The following TBCE variants were observed in gnomAD, a reference collection of about 807,000 sequenced individuals.
TBCE encodes tubulin folding cofactor E.
A neutral mutation model predicts 77.0 loss-of-function variants in TBCE; 53 were observed. The observed-to-expected ratio is 0.69, with a 90% CI of 0.55 to 0.87. The LOEUF (loss-of-function observed/expected upper bound fraction) is 0.87. Ranked by LOEUF, TBCE falls within the 40% of genes least tolerant of loss-of-function variation. The pLI, the probability that TBCE is intolerant of heterozygous loss-of-function variation, is 0.00. For synonymous variants in TBCE, 235 were observed against 241.3 expected, an observed-to-expected ratio of 0.97 and a Z score of 0.24; for missense variants, 624 against 622.4, an observed-to-expected ratio of 1.00 and a Z score of -0.03.
In TBCE at chr1:235,448,220, C is replaced by CA. The variant is rs59405398; in HGVS notation, c.1400-109dup. On this transcript the variant is annotated intron_variant, in intron 15 of 16. Coordinates refer to ENST00000642610, the MANE Select transcript of TBCE (RefSeq NM_003193.5). Reference sequence around the variant, plus strand: ...CTTAAGTAAGTAAGTAAGTCAGTCTCAAAAAAAAAAAAAAAAAAAAGACAG... The same window carrying CA: ...CTTAAGTAAGTAAGTAAGTCAGTCTCAAAAAAAAAAAAAAAAAAAAAGACAG... The CA allele has an allele frequency of 0.091, 47,054 of 515,056 alleles. 78 individuals are homozygous for CA. The highest frequency in any genetic ancestry group is 0.11 in the East Asian group (3,131 of 29,018). 31.9% of individuals were successfully genotyped at this position (515,056 alleles called of 1,614,324 possible).
At chr1:235,371,899 C>T (rs897959188) in intron 1 of TBCE, among the ~76,000 whole-genome samples, 2 of 152,146 alleles carry the variant, frequency 1.3e-5, no homozygotes, top group Non-Finnish European at 2.9e-5. Context: ...GTCTCGAACT[C>T]CTGACCTCAG....
Position 235,430,607 on chromosome 1 carries a change from A to C in TBCE, c.561-98A>C, listed in dbSNP as rs1345096280. On this transcript the variant is annotated intron_variant, in intron 6 of 16. Transcript: ENST00000642610. ...CCATTTTAAGATTGAAACAAATCAA[A>C]CCCCTTAGATTAAAACCCAGATTGT... 10 of 797,056 alleles carry C rather than the reference A, an allele frequency of 1.3e-5. 1 individual carries two copies. The highest frequency in any genetic ancestry group is 1.2e-4 in the African/African-American group (7 of 57,096). The allele number at this position is 797,056 out of a possible 1,614,324, so 49.4% of individuals were successfully genotyped here.
intron 8 of TBCE, among the ~76,000 whole-genome samples, chr1:235,435,256 A>G (rs1452208786): frequency 6.6e-6 from 1 of 151,772 alleles, no homozygotes; most frequent in African/African-American, 2.4e-5. Flanking sequence ...ACGTGCCACC[A>G]TGCCTGGCTA....
intron 13 of TBCE, among the ~76,000 whole-genome samples, chr1:235,439,487 C>G (rs1198047993): frequency 1.3e-5 from 2 of 151,734 alleles, no homozygotes; most frequent in Non-Finnish European, 2.9e-5. Context: ...CAGAACGAGA[C>G]TCCGTCTCAA....
At chr1:235,438,712 A>T in intron 12 of TBCE, 57 bp from the exon 13 acceptor site, 1 of 1,611,384 alleles carries the variant, frequency 6.2e-7, no homozygotes, top group Middle Eastern at 1.7e-4. Flanking sequence ...CAAAACGCAA[A>T]GGACATGTTA....
Position 235,449,084 on chromosome 1 carries a change from A to AGTTC in TBCE, c.*322_*323insGTTC. ...AGCCTAATAAAATCTGAACACAGTT[A>AGTTC]ATATCTGTCATAAGACTAGTTTTAA... is the stretch of plus-strand genomic sequence containing the variant. On this transcript the variant is annotated 3_prime_UTR_variant, in exon 17 of 17. Coordinates refer to ENST00000642610, the MANE Select transcript of TBCE (RefSeq NM_003193.5). 1 of 326,690 alleles carries AGTTC rather than the reference A, an allele frequency of 3.1e-6. No individual in the cohort carries two copies. The highest frequency in any genetic ancestry group is 5.9e-6 in the Non-Finnish European group (1 of 169,772). 20.2% of individuals were successfully genotyped at this position (326,690 alleles called of 1,614,324 possible). A position where few individuals can be genotyped will look rare whatever the true frequency, so the allele number is the denominator to read the frequency against.
At chr1:235,399,944 C>T (rs1416473) in intron 2 of TBCE, among the ~76,000 whole-genome samples, 111,510 of 152,046 alleles carry the variant, frequency 0.73, 42,091 homozygotes, top group African/African-American at 0.92. Context: ...CTGTGCTGAT[C>T]GTTGTAGTGT....
chr1:235,368,373 T>A (rs1234033589), intron 1 of TBCE, among the ~76,000 whole-genome samples: 4 of 152,124 alleles, frequency 2.6e-5, no homozygotes, highest in Non-Finnish European at 5.9e-5. Flanking sequence ...GAGGTAGAGA[T>A]GAAGAGAGAA....
chr1:235,430,121 C>T lies in TBCE; in HGVS notation c.561-584C>T, dbSNP rs368874475. 3.9e-5 allele frequency: 6 copies of T among 154,780 alleles called. No individual in the cohort carries two copies. In the East Asian group the frequency reaches 7.6e-4, roughly 20 times the overall value. 9.6% of individuals were successfully genotyped at this position (154,780 alleles called of 1,614,324 possible). A position where few individuals can be genotyped will look rare whatever the true frequency, so the allele number is the denominator to read the frequency against. The stretch of plus-strand genomic sequence containing the variant: ...GAGTTGTGCTCCCAAATAGAGCAAA[C>T]GGGGGCAATTCAACCCATGGTGTCT... On this transcript the variant is annotated intron_variant, in intron 6 of 16. Transcript: ENST00000642610.
At chr1:235,374,662 G>T (rs1677179759) in intron 1 of TBCE, among the ~76,000 whole-genome samples, 1 of 143,636 alleles carries the variant, frequency 7.0e-6, no homozygotes, top group Non-Finnish European at 1.5e-5. Flanking sequence ...CACCACACCT[G>T]GCTAATTTTT....
At chr1:235,418,320 T>C (rs2102889742) in intron 4 of TBCE, 1 of 152,388 alleles carries the variant, frequency 6.6e-6, no homozygotes, top group East Asian at 1.9e-4. Context: ...CGTGGCCTTT[T>C]AGAGATGTGA....
intron 13 of TBCE, among the ~76,000 whole-genome samples, chr1:235,439,580 C>T (rs367580791): frequency 1.6e-4 from 24 of 149,704 alleles, no homozygotes; most frequent in Admixed American, 7.3e-4. Context: ...CCCTGCCTCC[C>T]GGGTTCAATT....
rs1488128646 is a variant in TBCE at position 235,451,372 on chromosome 1, T to C, written c.*2610T>C. 1.3e-5 allele frequency: 2 copies of C among 151,326 alleles called. No individual in the cohort carries two copies. The highest frequency in any genetic ancestry group is 6.6e-5 in the Admixed American group (1 of 15,112). The allele number at this position is 151,326 out of a possible 1,614,324, so 9.4% of individuals were successfully genotyped here. ...TCTGAAGTATTCATAGATGGTAGTA[T>C]TCCTAGATGCATGGCAGAAAAAAAT... is the stretch of plus-strand genomic sequence containing the variant. On this transcript the variant is annotated 3_prime_UTR_variant, in exon 17 of 17. Transcript: ENST00000642610.
intron 2 of TBCE, among the ~76,000 whole-genome samples, chr1:235,397,962 G>A (rs1159640382): frequency 6.6e-6 from 1 of 152,062 alleles, no homozygotes; most frequent in Admixed American, 6.6e-5. Flanking sequence ...GATATTCTTC[G>A]TCAGACTTAC....
intron 1 of TBCE, among the ~76,000 whole-genome samples, chr1:235,368,076 T>C (rs1676658019): frequency 6.6e-6 from 1 of 152,136 alleles, no homozygotes; most frequent in African/African-American, 2.4e-5. Context: ...CGGCTAATTT[T>C]TGTATTTTTA....
At chr1:235,437,650 A>T (rs1350494118) in intron 12 of TBCE, among the ~76,000 whole-genome samples, 176 bp downstream of exon 12, 1 of 151,738 alleles carries the variant, frequency 6.6e-6, no homozygotes, top group Non-Finnish European at 1.5e-5. Flanking sequence ...CATCTCTACA[A>T]AAAATACAAA....
Position 235,430,795 on chromosome 1 carries a change from G to C in TBCE, c.651G>C (p.Thr217=). 1.2e-6 allele frequency: 2 copies of C among 1,612,610 alleles called. No individual in the cohort carries two copies. Among genetic ancestry groups the C allele is most frequent in the South Asian group, 2.2e-5 (2 of 91,022 alleles). Residue 217 remains threonine, a synonymous_variant, in exon 7 of 17, where the codon ACG becomes ACC. Coordinates refer to ENST00000642610, the MANE Select transcript of TBCE (RefSeq NM_003193.5). The part of the protein sequence containing the change: ...KVLVLNQTGI[T]WAEVLRCVAG... ...TAGTCCTCAATCAAACAGGAATAAC[G>C]TGGGCTGAGGTAATCATATTTCTTT...
chr1:235,393,015 A>T lies in TBCE; in HGVS notation c.101-8488A>T, dbSNP rs571850374. Reference sequence around the variant, plus strand: ...AGATGCTGTCTCTAAAAAAATTAATAAAAAAAAATTCTGCTTTAGCTTTTT... The same window carrying T: ...AGATGCTGTCTCTAAAAAAATTAATTAAAAAAAATTCTGCTTTAGCTTTTT... On this transcript the variant is annotated intron_variant, in intron 2 of 16. Coordinates refer to ENST00000642610, the MANE Select transcript of TBCE (RefSeq NM_003193.5). Among the ~76,000 whole-genome samples the T allele has an allele frequency of 1.0e-3, 154 of 151,726 alleles. 1 individual carries two copies. The highest frequency in any genetic ancestry group is 3.6e-3 in the African/African-American group (151 of 41,392).
rs578033543 is a variant in TBCE at position 235,412,601 on chromosome 1, C to T, written c.186-1832C>T. 3.5e-4 allele frequency among the ~76,000 whole-genome samples: 53 copies of T among 151,182 alleles called. No individual in the cohort carries two copies. The South Asian group carries it at 4.8e-3, about 14-fold the overall frequency. On this transcript the variant is annotated intron_variant, in intron 3 of 16. Coordinates refer to ENST00000642610, the MANE Select transcript of TBCE (RefSeq NM_003193.5). The stretch of plus-strand genomic sequence containing the variant: ...TGCTAGGATTATAGGGGTGAGCTAC[C>T]GCACCCAGCCCACACTCTCTAAGTT...
Sources: allele counts gnomAD v4.1 joint callset (sites outside exome capture counted in the v4.1 genomes callset), GRCh38; gene constraint gnomAD v4.1.1; transcripts MANE v1.5; gene names NCBI Gene and HGNC (gene_info 2026-07-23, HGNC 2026-07-21).